Variants in LDB2 observed in about 807,000 individuals in gnomAD.
LDB2 encodes the protein LIM domain binding 2.
In LDB2, 12 loss-of-function variants were observed where a neutral mutation model predicts 44.3. The ratio of observed to expected loss-of-function variants is 0.27; its 90% CI spans 0.17 to 0.44. The LOEUF (loss-of-function observed/expected upper bound fraction) is 0.44, where lower values mean the gene tolerates loss of function less well. LDB2 is among the 20% of genes least tolerant of loss of function. The pLI is 1.00. For missense variants in LDB2, 344 were observed against 473.5 expected, an observed-to-expected ratio of 0.73 and a Z score of 2.54; for synonymous variants, 164 against 174.8, an observed-to-expected ratio of 0.94 and a Z score of 0.49.
At chr4:16,625,484 C>T (rs766201257) in intron 2 of LDB2, among the ~76,000 whole-genome samples, 17 of 152,112 alleles carry the variant, frequency 1.1e-4, no homozygotes, top group Middle Eastern at 3.2e-3. Flanking sequence ...AACTGTCTGA[C>T]TCATTGCTGT....
At chr4:16,882,797 TA>T (rs1314290896) in intron 1 of LDB2, among the ~76,000 whole-genome samples, 1 of 152,222 alleles carries the variant, frequency 6.6e-6, no homozygotes, top group African/African-American at 2.4e-5. Flanking sequence ...AAGCAGTTTT[TA>T]AAATAGTACA....
chr4:16,786,215 G>C (rs776385749), intron 1 of LDB2, among the ~76,000 whole-genome samples: 2 of 152,162 alleles, frequency 1.3e-5, no homozygotes, highest in Non-Finnish European at 2.9e-5. Flanking sequence ...CTACCAGTAA[G>C]ACTTTTCTAG....
intron 1 of LDB2, among the ~76,000 whole-genome samples, chr4:16,890,580 T>C (rs567156111): frequency 2.4e-3 from 362 of 152,230 alleles, no homozygotes; most frequent in Non-Finnish European, 3.0e-3. Flanking sequence ...CAAGAGGAAG[T>C]GGGCAGCTGG....
At position 16,582,602 on chromosome 4, in the gene LDB2, G is replaced by T. The variant is rs150236626; in HGVS notation, c.615+3320C>A. Among the ~76,000 whole-genome samples the T allele has an allele frequency of 1.3e-5, 2 of 152,028 alleles. No individual in the cohort carries two copies. Among genetic ancestry groups the T allele is most frequent in the Non-Finnish European group, 2.9e-5 (2 of 67,994 alleles). On this transcript the variant is annotated intron_variant, in intron 5 of 7. Transcript: ENST00000304523. This position sits in a 1 kb window ranked among gnomAD's most constrained non-coding sequence, Gnocchi z 4.8. ...ACATGCTTCGTGAAACCCACCACCC[G>T]GTATCGGAATACCCAACAGCAACAA...
intron 1 of LDB2, among the ~76,000 whole-genome samples, chr4:16,864,134 C>T (rs1404784956): frequency 6.6e-6 from 1 of 152,186 alleles, no homozygotes; most frequent in Non-Finnish European, 1.5e-5. Context: ...CCACCACCGC[C>T]ACACCTGCAG....
intron 4 of LDB2, among the ~76,000 whole-genome samples, chr4:16,587,080 C>G (rs1717258340): frequency 6.6e-6 from 1 of 152,188 alleles, no homozygotes; most frequent in Admixed American, 6.5e-5. Context: ...TTAAACCACT[C>G]TTATGTGCTA....
chr4:16,532,703 GTTTA>G lies in LDB2; in HGVS notation c.616-20603_616-20600del, dbSNP rs1252887785. On this transcript the variant is annotated intron_variant, in intron 5 of 7. Coordinates refer to ENST00000304523, the MANE Select transcript of LDB2 (RefSeq NM_001290.5). ...CCCATTACCCTAATAGACCATGTCT[GTTTA>G]TTTGTCTCCATGACACCTTGCTCCG... Among the ~76,000 whole-genome samples the G allele has an allele frequency of 3.3e-5, 5 of 152,266 alleles. No individual in the cohort carries two copies. In the East Asian group the frequency reaches 7.7e-4, roughly 24 times the overall value.
chr4:16,540,282 A>G (rs938834570), intron 5 of LDB2, among the ~76,000 whole-genome samples: 1 of 152,128 alleles, frequency 6.6e-6, no homozygotes, highest in African/African-American at 2.4e-5. Flanking sequence ...GGTTAGGGTG[A>G]AGCCTAACTG....
At chr4:16,596,676 A>G (rs925948822) in intron 2 of LDB2, among the ~76,000 whole-genome samples, 2 of 152,194 alleles carry the variant, frequency 1.3e-5, no homozygotes, top group Non-Finnish European at 2.9e-5. Flanking sequence ...TCTCTAGAAT[A>G]AAAGGCTAAT....
At chr4:16,619,686 T>C (rs2152478180) in intron 2 of LDB2, among the ~76,000 whole-genome samples, 1 of 152,306 alleles carries the variant, frequency 6.6e-6, no homozygotes, top group South Asian at 2.1e-4. Context: ...AATTTCAGGC[T>C]GTGGATTTAT....
At chr4:16,717,202 GACT>G (rs1460404229) in intron 2 of LDB2, among the ~76,000 whole-genome samples, 1 of 151,016 alleles carries the variant, frequency 6.6e-6, no homozygotes, top group African/African-American at 2.4e-5. Flanking sequence ...TGATGAGGAG[GACT>G]ACATTTATTT....
chr4:16,849,091 A>G (rs548990570), intron 1 of LDB2, among the ~76,000 whole-genome samples: 16 of 152,240 alleles, frequency 1.1e-4, no homozygotes, highest in African/African-American at 3.4e-4. Flanking sequence ...GGCCCCCACT[A>G]TGCCTTCAAT....
chr4:16,861,856 G>A (rs927324015), intron 1 of LDB2, among the ~76,000 whole-genome samples: 4 of 152,170 alleles, frequency 2.6e-5, no homozygotes, highest in African/African-American at 9.7e-5. Context: ...TAGAAACTGG[G>A]CAGATTCATC....
chr4:16,563,220 A>T (rs985078945), intron 5 of LDB2, among the ~76,000 whole-genome samples: 4 of 151,710 alleles, frequency 2.6e-5, no homozygotes, highest in Non-Finnish European at 4.4e-5. Context: ...GTATAATAAT[A>T]ATAATAATAA....
At chr4:16,867,657 A>T (rs1715144155) in intron 1 of LDB2, among the ~76,000 whole-genome samples, 1 of 152,176 alleles carries the variant, frequency 6.6e-6, no homozygotes, top group Admixed American at 6.5e-5. Flanking sequence ...GGGCTCTTTA[A>T]AATGTAGAAA....
chr4:16,879,942 C>T (rs562127297), intron 1 of LDB2, among the ~76,000 whole-genome samples: 35 of 152,176 alleles, frequency 2.3e-4, no homozygotes, highest in African/African-American at 8.0e-4. Flanking sequence ...TCTTGGTGTC[C>T]AACTCTCTTT....
intron 1 of LDB2, among the ~76,000 whole-genome samples, chr4:16,825,570 A>G (rs1192565066): frequency 6.6e-6 from 1 of 152,122 alleles, no homozygotes; most frequent in African/African-American, 2.4e-5. Context: ...GATGGAGGGA[A>G]CCACAATCAT....
chr4:16,508,032 G>A (rs576867203), intron 7 of LDB2, among the ~76,000 whole-genome samples: 19 of 152,276 alleles, frequency 1.2e-4, no homozygotes, highest in African/African-American at 4.1e-4. Flanking sequence ...TGGGCTAAGC[G>A]AGAGCTTCAC....
chr4:16,869,222 G>A (rs1715703180), intron 1 of LDB2, among the ~76,000 whole-genome samples: 1 of 151,622 alleles, frequency 6.6e-6, no homozygotes, highest in African/African-American at 2.4e-5. Context: ...AAGACACACA[G>A]TAGTAAAATG....
Sources: allele counts gnomAD v4.1 joint callset (sites outside exome capture counted in the v4.1 genomes callset), GRCh38; gene constraint gnomAD v4.1.1; non-coding constraint Gnocchi (gnomAD v3.1); transcripts MANE v1.5; gene names NCBI Gene and HGNC (gene_info 2026-07-23, HGNC 2026-07-21).